CYP3A5: variants seen among roughly 807,000 people sequenced by gnomAD.
CYP3A5 encodes cytochrome P450 family 3 subfamily A member 5, also known as cytochrome P450 3A5.
CYP3A5 carries 51 observed loss-of-function variants against 55.9 expected under a neutral mutation model. The observed-to-expected ratio is 0.91, with a 90% CI of 0.73 to 1.15. The LOEUF (loss-of-function observed/expected upper bound fraction) is 1.15. Among genes scored for constraint, CYP3A5 ranks in the 50% most tolerant of loss-of-function variants. CYP3A5 has a pLI of 0.00. For missense variants in CYP3A5, 533 were observed against 596.6 expected (o/e 0.89, Z 1.11); for synonymous variants, 196 against 213.9 (o/e 0.92, Z 0.73).
intron 12 of CYP3A5, among the ~76,000 whole-genome samples, chr7:99,649,851 A>C (rs1156492230): frequency 1.3e-5 from 2 of 152,162 alleles, no homozygotes; most frequent in Non-Finnish European, 2.9e-5. Context: ...GAGACTACAC[A>C]TAATCATGTC....
intron 11 of CYP3A5, 70 bp from the exon 12 acceptor site, chr7:99,650,302 T>G: frequency 6.7e-7 from 1 of 1,493,010 alleles, no homozygotes; most frequent in Non-Finnish European, 9.2e-7. Flanking sequence ...TTAGGGGTTC[T>G]TACTTAAGAA....
chr7:99,669,164 A>G (rs939021694), intron 4 of CYP3A5, among the ~76,000 whole-genome samples: 3 of 152,240 alleles, frequency 2.0e-5, no homozygotes, highest in African/African-American at 7.2e-5. Flanking sequence ...AAGATTGTTC[A>G]ATGAAAAGTG....
chr7:99,660,243 T>TAAA, intron 10 of CYP3A5: 2 of 958,420 alleles, frequency 2.1e-6, no homozygotes, highest in Non-Finnish European at 2.5e-6. Flanking sequence ...TTTTTTTTTT[T>TAAA]TTACTTAGCA....
chr7:99,651,646 T>C (rs1053020748), intron 11 of CYP3A5, among the ~76,000 whole-genome samples: 2 of 152,212 alleles, frequency 1.3e-5, no homozygotes, highest in African/African-American at 4.8e-5. Flanking sequence ...TAGGGGCTAA[T>C]GAAAGTCTAG....
At chr7:99,666,841 G>A in intron 5 of CYP3A5, 111 bp downstream of exon 5, 1 of 1,576,050 alleles carries the variant, frequency 6.3e-7, no homozygotes, top group Non-Finnish European at 8.6e-7. Flanking sequence ...CCATTTTTAG[G>A]AAGCTCGAAC....
rs34318418 is a variant in CYP3A5, at chr7:99,660,214, CTTTTTTTT to C, written c.1026+277_1026+284del. 7.2e-4 allele frequency: 309 copies of C among 429,854 alleles called. 1 individual carries two copies. In the East Asian group the frequency reaches 0.022, roughly 30 times the overall value. 26.6% of individuals were successfully genotyped at this position (429,854 alleles called of 1,614,324 possible). A position where few individuals can be genotyped will look rare whatever the true frequency, so the allele number is the denominator to read the frequency against. On this transcript the variant is annotated intron_variant, in intron 10 of 12. Transcript: ENST00000222982. The stretch of plus-strand genomic sequence containing the variant: ...GTTTGGCCATCTTCTCGCCACACTC[CTTTTTTTT>C]TTTTTTTTTTTTTTTTTTTTTTTAC...
chr7:99,656,181 G>A (rs1809709031), intron 10 of CYP3A5, among the ~76,000 whole-genome samples: 1 of 152,154 alleles, frequency 6.6e-6, no homozygotes, highest in Admixed American at 6.5e-5. Flanking sequence ...AATGATTCCA[G>A]TTTTTGTCCA....
At position 99,666,953 on chromosome 7, in the gene CYP3A5, T is replaced by C. The variant is rs767910505; in HGVS notation, c.431A>G (p.Glu144Gly). ...TTAAGACTCATCTTATTTTCATACC[T>C]CCTTGAGTTTTCCGCTGGTGAAGGT... ...SPTFTSGKLK[E>G]MFPIIAQYGD... Residue 144 changes from glutamate (E) to glycine (G), a missense_variant and splice_region_variant, in exon 5 of 13, where the codon GAG (glutamate) becomes GGG (glycine). Glu to Gly is a moderately conservative substitution (Grantham distance 98, BLOSUM62 -2). Coordinates refer to ENST00000222982, the MANE Select transcript of CYP3A5 (RefSeq NM_000777.5). 1.9e-6 allele frequency: 3 copies of C among 1,613,408 alleles called. No homozygotes were observed. The highest frequency in any genetic ancestry group is 2.2e-5 in the East Asian group (1 of 44,852).
At chr7:99,668,643 A>G (rs1235834634) in intron 4 of CYP3A5, among the ~76,000 whole-genome samples, 1 of 152,242 alleles carries the variant, frequency 6.6e-6, no homozygotes, top group Non-Finnish European at 1.5e-5. Context: ...CAGCAAGAAG[A>G]AATTAAAAGC....
chr7:99,668,098 C>T (rs1811216821), intron 4 of CYP3A5, among the ~76,000 whole-genome samples: 1 of 152,200 alleles, frequency 6.6e-6, no homozygotes, highest in Admixed American at 6.5e-5. Context: ...CTATAGGATA[C>T]AAGATCAACA....
intron 7 of CYP3A5, 140 bp from the exon 8 acceptor site, chr7:99,664,235 C>T: frequency 1.2e-6 from 1 of 810,194 alleles, no homozygotes; most frequent in Non-Finnish European, 1.9e-6. Flanking sequence ...ATCATGTTTG[C>T]CCTTCTTTCA....
At position 99,662,980 on chromosome 7, in the gene CYP3A5, C is replaced by A; in HGVS notation, c.799-98G>T. The A allele has an allele frequency of 2.6e-6, 4 of 1,552,414 alleles. No individual in the cohort carries two copies. The highest frequency in any genetic ancestry group is 3.5e-6 in the Non-Finnish European group (4 of 1,147,312). Reference sequence around the variant, plus strand: ...CTCAACCTCCCTTCTTGACTTCCCTCCCTCAACCTCCCTATGGCTTCTTGA... The same window carrying A: ...CTCAACCTCCCTTCTTGACTTCCCTACCTCAACCTCCCTATGGCTTCTTGA... On this transcript the variant is annotated intron_variant, in intron 8 of 12. Transcript: ENST00000222982. The surrounding 1 kb of genome is among the most constrained non-coding windows in gnomAD (Gnocchi z 4.3).
At position 99,660,592 on chromosome 7, in the gene CYP3A5, G is replaced by A. The variant is rs1810330499; in HGVS notation, c.933C>T (p.Ser311=). 6.2e-7 allele frequency: 1 copy of A among 1,614,010 alleles called. No individual in the cohort carries two copies. Among genetic ancestry groups the A allele is most frequent in the Non-Finnish European group, 8.5e-7 (1 of 1,179,976 alleles). ...CATATAAAGTGAAGGAAAGAACACT[G>A]CTGGTGGTTTCATAGCCAGCAAAAA... ...IFIFAGYETT[S]SVLSFTLYEL... The change falls in exon 10 of 13, where the codon AGC becomes AGT. Residue 311 remains serine (S), a synonymous_variant. Transcript: ENST00000222982.
At chr7:99,655,621 C>T (rs1809638449) in intron 10 of CYP3A5, among the ~76,000 whole-genome samples, 1 of 152,206 alleles carries the variant, frequency 6.6e-6, no homozygotes, top group Non-Finnish European at 1.5e-5. Context: ...TGAAGAAAGT[C>T]ATTGGTAGCT....
intron 4 of CYP3A5, chr7:99,671,528 A>G: frequency 3.1e-6 from 1 of 320,090 alleles, no homozygotes; most frequent in Non-Finnish European, 5.7e-6. Flanking sequence ...ACATTTGGAC[A>G]GCCATAGTCC....
intron 11 of CYP3A5, among the ~76,000 whole-genome samples, chr7:99,650,783 C>A (rs1400852951): frequency 6.6e-6 from 1 of 151,854 alleles, no homozygotes; most frequent in Non-Finnish European, 1.5e-5. Context: ...CCTTTTTCTT[C>A]TCTCCATCTC....
Position 99,653,405 on chromosome 7 carries a change from T to G in CYP3A5, c.1027-626A>C, listed in dbSNP as rs1809373585. Among the ~76,000 whole-genome samples, 3 of 151,984 alleles carry G rather than the reference T, an allele frequency of 2.0e-5. No individual in the cohort carries two copies. The highest frequency in any genetic ancestry group is 7.3e-5 in the African/African-American group (3 of 41,372). The stretch of plus-strand genomic sequence containing the variant: ...GGCAGAGTTTGCAGTGAGCTGAGAT[T>G]GCACCACTGCCCTCCAGCTTGGGTC... On this transcript the variant is annotated intron_variant, in intron 10 of 12. Coordinates refer to ENST00000222982, the MANE Select transcript of CYP3A5 (RefSeq NM_000777.5). The surrounding 1 kb of genome is among the most constrained non-coding windows in gnomAD (Gnocchi z 4.2).
At position 99,652,835 on chromosome 7, in the gene CYP3A5, G is replaced by A. The variant is rs964254019; in HGVS notation, c.1027-56C>T. On this transcript the variant is annotated intron_variant, in intron 10 of 12. Transcript: ENST00000222982. ...TGAGATTTTGAATTAACTCTCAACTGAGTCCATGCAGTACTATTGAAGTAT... is the reference window on the plus strand; with the variant it reads ...TGAGATTTTGAATTAACTCTCAACTAAGTCCATGCAGTACTATTGAAGTAT... The A allele has an allele frequency of 6.6e-5, 88 of 1,341,830 alleles. No individual in the cohort carries two copies. In the Middle Eastern group the frequency reaches 7.2e-4, roughly 11 times the overall value. 83.1% of individuals were successfully genotyped at this position (1,341,830 alleles called of 1,614,324 possible).
At position 99,649,967 on chromosome 7, in the gene CYP3A5, G is replaced by A. The variant is rs41303958; in HGVS notation, c.1413+106C>T. ...AAAGATGGATCCAAGTAGGTTCTTT[G>A]GCCCATAGAATGAATTATTAAAAGA... On this transcript the variant is annotated intron_variant, in intron 12 of 12. Transcript: ENST00000222982. 9 of 1,390,254 alleles carry A rather than the reference G, an allele frequency of 6.5e-6. No individual in the cohort carries two copies. The East Asian group carries it at 2.0e-4, about 31-fold the overall frequency. The allele number at this position is 1,390,254 out of a possible 1,614,324, so 86.1% of individuals were successfully genotyped here. A position where few individuals can be genotyped will look rare whatever the true frequency, so the allele number is the denominator to read the frequency against.
Sources: gnomAD v4.1 joint callset for allele counts (sites outside exome capture counted in the v4.1 genomes callset) on GRCh38, gnomAD v4.1.1 for gene constraint, Gnocchi (gnomAD v3.1) non-coding constraint, MANE v1.5 for transcripts, NCBI Gene and HGNC (gene_info 2026-07-23, HGNC 2026-07-21) for gene names.